The following AUTS2 variants were observed in gnomAD, a reference collection of about 807,000 sequenced individuals.
AUTS2 encodes the protein autism susceptibility gene 2 protein.
A neutral mutation model predicts 112.4 loss-of-function variants in AUTS2; 17 were observed. The observed-to-expected ratio is 0.15, with a 90% CI of 0.10 to 0.23. The LOEUF (loss-of-function observed/expected upper bound fraction) is 0.23, where lower values mean the gene tolerates loss of function less well. Among genes scored for constraint, AUTS2 ranks in the 10% least tolerant of loss-of-function variants. AUTS2 has a pLI of 1.00. For synonymous variants in AUTS2, 751 were observed against 702.7 expected (o/e 1.07, Z -1.09); for missense variants, 1,510 against 1,701.6 (o/e 0.89, Z 1.98).
At chr7:70,317,828 G>A (rs1790068174) in intron 4 of AUTS2, among the ~76,000 whole-genome samples, 1 of 152,206 alleles carries the variant, frequency 6.6e-6, no homozygotes, top group Admixed American at 6.5e-5. Flanking sequence ...TTGCTAAGTA[G>A]TGTCAGGCAT....
intron 1 of AUTS2, among the ~76,000 whole-genome samples, chr7:69,672,200 C>T (rs762301335): frequency 6.6e-6 from 1 of 152,058 alleles, no homozygotes; most frequent in Non-Finnish European, 1.5e-5. Context: ...GCTGAGATCA[C>T]AGGCATGCAC....
intron 2 of AUTS2, among the ~76,000 whole-genome samples, chr7:69,926,441 G>GTCTATCTATCTATCTA (rs1232593486): frequency 2.1e-5 from 3 of 140,164 alleles, no homozygotes; most frequent in Non-Finnish European, 3.1e-5. Flanking sequence ...CTGTCTGTCT[G>GTCTATCTATCTATCTA]TCTGTCTATC....
At chr7:70,682,777 A>G (rs1317346251) in intron 5 of AUTS2, among the ~76,000 whole-genome samples, 13 of 152,260 alleles carry the variant, frequency 8.5e-5, no homozygotes, top group Non-Finnish European at 5.9e-5. Flanking sequence ...GCATCTGCTA[A>G]GGCAAGTTCA....
chr7:70,012,105 G>T (rs1251587609), intron 2 of AUTS2, among the ~76,000 whole-genome samples: 1 of 152,154 alleles, frequency 6.6e-6, no homozygotes, highest in Non-Finnish European at 1.5e-5. Flanking sequence ...TCTGCAAAGC[G>T]TTGATGGTGT....
At chr7:69,650,333 A>G (rs920190269) in intron 1 of AUTS2, among the ~76,000 whole-genome samples, 4 of 152,186 alleles carry the variant, frequency 2.6e-5, no homozygotes, top group African/African-American at 4.8e-5. Flanking sequence ...GCATCGTTAC[A>G]TTTTAGATAT....
intron 1 of AUTS2, among the ~76,000 whole-genome samples, chr7:69,880,487 A>G (rs910236405): frequency 6.6e-6 from 1 of 152,156 alleles, no homozygotes; most frequent in African/African-American, 2.4e-5. Flanking sequence ...CCTCCTCATC[A>G]TCATAATTAT....
At chr7:70,299,557 T>A (rs1789107386) in intron 4 of AUTS2, among the ~76,000 whole-genome samples, 1 of 152,180 alleles carries the variant, frequency 6.6e-6, no homozygotes, top group East Asian at 1.9e-4. Context: ...TGTCTGCATT[T>A]TCATTTCTAG....
intron 1 of AUTS2, among the ~76,000 whole-genome samples, chr7:69,625,890 G>T (rs558695457): frequency 1.6e-4 from 24 of 152,082 alleles, no homozygotes; most frequent in Non-Finnish European, 3.4e-4. Flanking sequence ...ACAGGGAAGG[G>T]AAAGGGAAGG....
chr7:70,185,413 T>C (rs1000096501), intron 4 of AUTS2, among the ~76,000 whole-genome samples: 6 of 151,922 alleles, frequency 3.9e-5, no homozygotes, highest in African/African-American at 1.5e-4. Context: ...GGCCCCAACA[T>C]TCAACTGTTT....
At chr7:69,975,127 A>C (rs1481410398) in intron 2 of AUTS2, among the ~76,000 whole-genome samples, 2 of 151,918 alleles carry the variant, frequency 1.3e-5, no homozygotes, top group Non-Finnish European at 2.9e-5. Context: ...TTTGGTTGAC[A>C]GTTTCTTTTG....
intron 15 of AUTS2, 31 bp from the exon 16 acceptor site, chr7:70,784,911 A>C (rs1174576045): frequency 6.2e-7 from 1 of 1,611,506 alleles, no homozygotes. Flanking sequence ...GCTTTTTGTA[A>C]ACTCTGGTTT....
chr7:70,551,106 A>T (rs1034066549), intron 5 of AUTS2, among the ~76,000 whole-genome samples: 14 of 152,206 alleles, frequency 9.2e-5, no homozygotes, highest in Non-Finnish European at 1.5e-4. Context: ...AACAATAAGG[A>T]AGCATCGGAT....
chr7:70,739,003 C>CTTTTTTTT (rs57525224), intron 6 of AUTS2, among the ~76,000 whole-genome samples: 1,207 of 57,214 alleles, frequency 0.021, 218 homozygotes, highest in Non-Finnish European at 0.03. Context: ...GTTTTGAGGC[C>CTTTTTTTT]TTTTTTTTTT....
At chr7:70,651,722 A>G (rs760727598) in intron 5 of AUTS2, among the ~76,000 whole-genome samples, 1 of 152,206 alleles carries the variant, frequency 6.6e-6, no homozygotes, top group Non-Finnish European at 1.5e-5. Flanking sequence ...AAGCTGAGCC[A>G]TCGGAAGTTA....
At chr7:69,636,153 G>T (rs911505012) in intron 1 of AUTS2, among the ~76,000 whole-genome samples, 1 of 152,190 alleles carries the variant, frequency 6.6e-6, no homozygotes, top group Non-Finnish European at 1.5e-5. Flanking sequence ...AAAAAACTTT[G>T]AAGAGGACAA....
intron 5 of AUTS2, among the ~76,000 whole-genome samples, chr7:70,438,556 G>A (rs1795990433): frequency 6.6e-6 from 1 of 152,096 alleles, no homozygotes; most frequent in Non-Finnish European, 1.5e-5. Flanking sequence ...GACTCTAATT[G>A]CCCTCGCACC....
At chr7:69,792,301 G>A (rs965442890) in intron 1 of AUTS2, among the ~76,000 whole-genome samples, 3 of 151,128 alleles carry the variant, frequency 2.0e-5, no homozygotes, top group African/African-American at 2.4e-5. Context: ...GCGCAGTGGC[G>A]CAATCTCTGC....
At chr7:70,665,429 G>GTTTA (rs1036798843) in intron 5 of AUTS2, among the ~76,000 whole-genome samples, 1 of 121,574 alleles carries the variant, frequency 8.2e-6, no homozygotes, top group Non-Finnish European at 1.7e-5. Context: ...ATGACCAGCT[G>GTTTA]TTTATTTATT....
At chr7:70,703,422 C>T (rs1260210502) in intron 6 of AUTS2, among the ~76,000 whole-genome samples, 1 of 136,786 alleles carries the variant, frequency 7.3e-6, no homozygotes, top group Non-Finnish European at 1.5e-5. Flanking sequence ...CTTGGGCCCA[C>T]AAGGTCGAGG....
Sources: gnomAD v4.1 joint callset for allele counts (sites outside exome capture counted in the v4.1 genomes callset) on GRCh38, gnomAD v4.1.1 for gene constraint, MANE v1.5 for transcripts, NCBI Gene and HGNC (gene_info 2026-07-23, HGNC 2026-07-21) for gene names.